MAN1A2: variants seen among roughly 807,000 people sequenced by gnomAD.
MAN1A2 encodes the protein mannosyl-oligosaccharide 1,2-alpha-mannosidase IB.
A neutral mutation model predicts 75.7 loss-of-function variants in MAN1A2; 26 were observed. That is an observed-to-expected ratio of 0.34 (90% CI 0.25 to 0.48). The LOEUF (loss-of-function observed/expected upper bound fraction) is 0.48, where lower values mean the gene tolerates loss of function less well. Ranked by LOEUF, MAN1A2 falls within the 20% of genes least tolerant of loss-of-function variation. The pLI, the probability that MAN1A2 is intolerant of heterozygous loss-of-function variation, is 0.99. For synonymous variants in MAN1A2, 247 were observed against 264.6 expected (o/e 0.93, Z 0.65); for missense variants, 562 against 775.5 (o/e 0.72, Z 3.27).
intron 8 of MAN1A2, among the ~76,000 whole-genome samples, chr1:117,480,581 C>T (rs1254687049): frequency 1.3e-5 from 2 of 151,802 alleles, no homozygotes; most frequent in East Asian, 3.9e-4. Context: ...TATTTTTCCT[C>T]CTATTTACTG....
intron 5 of MAN1A2, 75 bp from the exon 6 acceptor site, chr1:117,442,156 A>T: frequency 1.1e-6 from 1 of 930,162 alleles, no homozygotes; most frequent in South Asian, 1.3e-5. Context: ...TGCTATGTAT[A>T]CTATGAGAGA....
At chr1:117,446,573 T>C (rs1415696557) in intron 6 of MAN1A2, among the ~76,000 whole-genome samples, 1 of 152,182 alleles carries the variant, frequency 6.6e-6, no homozygotes, top group Admixed American at 6.5e-5. Flanking sequence ...TGTGGTTCAA[T>C]TGCCAAATTT....
chr1:117,494,992 T>C (rs571495547), intron 9 of MAN1A2: 15 of 151,900 alleles, frequency 9.9e-5, no homozygotes, highest in African/African-American at 3.6e-4. Flanking sequence ...ATGTAATAAA[T>C]TAATTTTGTC....
chr1:117,405,796 C>T (rs1307248289), intron 3 of MAN1A2, 151 bp downstream of exon 3: 10 of 654,300 alleles, frequency 1.5e-5, no homozygotes, highest in African/African-American at 1.8e-5. Flanking sequence ...GTGTCAGTCA[C>T]GATTAAGTTC....
At chr1:117,383,253 A>G (rs1043978989) in intron 1 of MAN1A2, among the ~76,000 whole-genome samples, 3 of 117,840 alleles carry the variant, frequency 2.5e-5, no homozygotes, top group African/African-American at 6.2e-5. Context: ...TTAATGTGAT[A>G]TGTTACATTA....
chr1:117,403,672 A>T (rs1334359035), intron 2 of MAN1A2, among the ~76,000 whole-genome samples: 1 of 151,970 alleles, frequency 6.6e-6, no homozygotes, highest in East Asian at 1.9e-4. Context: ...TTTTTTGTAG[A>T]TTGCTTGTGA....
chr1:117,392,263 A>ACTT (rs1653745626), intron 1 of MAN1A2, among the ~76,000 whole-genome samples: 1 of 151,510 alleles, frequency 6.6e-6, no homozygotes, highest in South Asian at 2.1e-4. Context: ...ATATTGTGTT[A>ACTT]CTTCTTCTGT....
At chr1:117,376,326 G>T (rs1333269857) in intron 1 of MAN1A2, among the ~76,000 whole-genome samples, 2 of 152,134 alleles carry the variant, frequency 1.3e-5, no homozygotes, top group African/African-American at 4.8e-5. Flanking sequence ...AGTGAGTTTG[G>T]AGTGCAGGCA....
intron 5 of MAN1A2, among the ~76,000 whole-genome samples, chr1:117,428,791 T>C (rs1392432494): frequency 1.8e-5 from 2 of 113,318 alleles, no homozygotes; most frequent in African/African-American, 3.2e-5. Context: ...TTTCTTTTTT[T>C]TTTTTTTTTT....
intron 8 of MAN1A2, among the ~76,000 whole-genome samples, chr1:117,486,483 T>A (rs748973799): frequency 2.6e-5 from 4 of 152,028 alleles, no homozygotes; most frequent in Non-Finnish European, 2.9e-5. Flanking sequence ...CAGACAATTC[T>A]ATAAACATTT....
At chr1:117,441,247 C>T (rs1000292472) in intron 5 of MAN1A2, among the ~76,000 whole-genome samples, 1 of 152,078 alleles carries the variant, frequency 6.6e-6, no homozygotes, top group African/African-American at 2.4e-5. Context: ...CTAATATTTT[C>T]TATCCCCAGT....
intron 6 of MAN1A2, among the ~76,000 whole-genome samples, chr1:117,459,876 T>A (rs984656730): frequency 1.3e-5 from 2 of 152,218 alleles, no homozygotes; most frequent in African/African-American, 4.8e-5. Flanking sequence ...GCAAGCCAGT[T>A]CTTTATTGTA....
At chr1:117,442,405 C>T (rs1293732187) in intron 6 of MAN1A2, 80 bp downstream of exon 6, 1 of 871,518 alleles carries the variant, frequency 1.1e-6, no homozygotes, top group Admixed American at 2.0e-5. Flanking sequence ...GAGTCACCCC[C>T]ACATTTTTTT....
At chr1:117,491,711 C>T (rs549263559) in intron 8 of MAN1A2, among the ~76,000 whole-genome samples, 24 of 152,092 alleles carry the variant, frequency 1.6e-4, no homozygotes, top group Non-Finnish European at 2.6e-4. Flanking sequence ...GGAAAACCTT[C>T]GGGAAAGGAG....
At chr1:117,389,600 T>C (rs1653653030) in intron 1 of MAN1A2, among the ~76,000 whole-genome samples, 1 of 152,196 alleles carries the variant, frequency 6.6e-6, no homozygotes, top group Non-Finnish European at 1.5e-5. Flanking sequence ...CCAGGCCTTA[T>C]TTTATTTAGA....
chr1:117,383,691 C>T (rs563701579), intron 1 of MAN1A2, among the ~76,000 whole-genome samples: 68 of 151,920 alleles, frequency 4.5e-4, no homozygotes, highest in Non-Finnish European at 9.0e-4. Context: ...AGAATTTGTC[C>T]ACTTCATGTA....
At chr1:117,463,142 A>T (rs139887035) in intron 7 of MAN1A2, among the ~76,000 whole-genome samples, 1,676 of 151,098 alleles carry the variant, frequency 0.011, 24 homozygotes, top group African/African-American at 0.038. Context: ...TATATCAATT[A>T]TATTAATAAA....
chr1:117,520,404 T>A (rs1269999580), intron 12 of MAN1A2, among the ~76,000 whole-genome samples: 1 of 152,010 alleles, frequency 6.6e-6, no homozygotes, highest in Non-Finnish European at 1.5e-5. Context: ...GATATGATCA[T>A]TTACCTTGAA....
At chr1:117,490,816 A>T (rs1650854687) in intron 8 of MAN1A2, among the ~76,000 whole-genome samples, 1 of 152,102 alleles carries the variant, frequency 6.6e-6, no homozygotes, top group Non-Finnish European at 1.5e-5. Flanking sequence ...GAATAATGAG[A>T]AAACAAAATA....
Sources: allele counts gnomAD v4.1 joint callset (sites outside exome capture counted in the v4.1 genomes callset), GRCh38; gene constraint gnomAD v4.1.1; transcripts MANE v1.5; gene names NCBI Gene and HGNC (gene_info 2026-07-23, HGNC 2026-07-21).